ADAM23: variants seen among roughly 807,000 people sequenced by gnomAD.
ADAM23 encodes ADAM metallopeptidase domain 23, also known as disintegrin and metalloproteinase domain-containing protein 23.
A neutral mutation model predicts 120.1 loss-of-function variants in ADAM23; 33 were observed. The observed-to-expected ratio is 0.27, with a 90% CI of 0.21 to 0.37. The LOEUF (loss-of-function observed/expected upper bound fraction) is 0.37, where lower values mean the gene tolerates loss of function less well. ADAM23 is among the 10% of genes least tolerant of loss of function. The pLI, the probability that ADAM23 is intolerant of heterozygous loss-of-function variation, is 1.00. For missense variants in ADAM23, 862 were observed against 1,058.2 expected, an observed-to-expected ratio of 0.81 and a Z score of 2.57; for synonymous variants, 367 against 375.2, an observed-to-expected ratio of 0.98 and a Z score of 0.25.
intron 2 of ADAM23, among the ~76,000 whole-genome samples, chr2:206,449,817 C>T (rs1253972831): frequency 3.3e-5 from 5 of 152,010 alleles, no homozygotes; most frequent in Non-Finnish European, 7.4e-5. Flanking sequence ...TATCATGCTC[C>T]CTTAGGATTC....
chr2:206,539,386 A>C (rs1697245603), intron 4 of ADAM23, among the ~76,000 whole-genome samples: 1 of 152,190 alleles, frequency 6.6e-6, no homozygotes, highest in Admixed American at 6.5e-5. Context: ...TTGCCACGTC[A>C]CAGGTCTGTG....
rs560488458 is a variant in ADAM23, at chr2:206,567,997, C to G, written c.1494+675C>G. ...ATGAGGACTGTATGGGGAAACCGCC[C>G]CCATGATTCAGTCACCTTCCACCAG... On this transcript the variant is annotated intron_variant, in intron 15 of 25. Coordinates refer to ENST00000264377, the MANE Select transcript of ADAM23 (RefSeq NM_003812.4). 3.9e-5 allele frequency among the ~76,000 whole-genome samples: 6 copies of G among 152,254 alleles called. No homozygotes were observed. In the South Asian group the frequency reaches 1.2e-3, roughly 32 times the overall value.
At chr2:206,488,659 T>G (rs934384034) in intron 3 of ADAM23, among the ~76,000 whole-genome samples, 2 of 152,120 alleles carry the variant, frequency 1.3e-5, no homozygotes, top group African/African-American at 4.8e-5. Flanking sequence ...GCAGTAACAC[T>G]TTACTACCTC....
intron 18 of ADAM23, among the ~76,000 whole-genome samples, chr2:206,575,991 G>A (rs1180028927): frequency 6.6e-6 from 1 of 152,048 alleles, no homozygotes; most frequent in Non-Finnish European, 1.5e-5. Flanking sequence ...TAAAGGTGTT[G>A]ATATATATTA....
At chr2:206,458,799 G>A (rs1023293382) in intron 2 of ADAM23, among the ~76,000 whole-genome samples, 2 of 152,074 alleles carry the variant, frequency 1.3e-5, no homozygotes, top group Admixed American at 6.5e-5. Context: ...CTCACCAAAC[G>A]AAACCAAACC....
chr2:206,543,411 C>T (rs1697332770), intron 6 of ADAM23, 95 bp downstream of exon 6: 2 of 1,058,142 alleles, frequency 1.9e-6, no homozygotes, highest in Non-Finnish European at 2.8e-6. Context: ...TTTCAAAGTG[C>T]CTTTGTACAT....
Position 206,557,509 on chromosome 2 carries a change from T to G in ADAM23, c.1005+11T>G. The G allele has an allele frequency of 6.2e-7, 1 of 1,601,630 alleles. No homozygotes were observed. The highest frequency in any genetic ancestry group is 8.6e-7 in the Non-Finnish European group (1 of 1,168,580). Reference sequence around the variant, plus strand: ...AACCTTGTGGATTCTGTAAGTATCCTGGTTTTCTTGAATTTGTGTGCCAAG... The same window carrying G: ...AACCTTGTGGATTCTGTAAGTATCCGGGTTTTCTTGAATTTGTGTGCCAAG... On this transcript the variant is annotated intron_variant, in intron 10 of 25. Transcript: ENST00000264377.
intron 11 of ADAM23, among the ~76,000 whole-genome samples, 169 bp downstream of exon 11, chr2:206,560,287 A>T (rs1697737766): frequency 6.6e-6 from 1 of 151,920 alleles, no homozygotes. Context: ...CCATGCTGGG[A>T]TGCTGATGGT....
chr2:206,548,194 G>A, intron 7 of ADAM23, 87 bp from the exon 8 acceptor site: 2 of 1,218,094 alleles, frequency 1.6e-6, no homozygotes, highest in Non-Finnish European at 2.4e-6. Flanking sequence ...TATATTATCA[G>A]TGCCACTGTT....
intron 15 of ADAM23, among the ~76,000 whole-genome samples, chr2:206,568,534 C>T (rs540470908): frequency 9.2e-5 from 14 of 152,306 alleles, no homozygotes; most frequent in African/African-American, 3.4e-4. Flanking sequence ...ATGCATCGTA[C>T]TTCTCTAAAC....
chr2:206,516,694 G>C (rs1696738980), intron 3 of ADAM23, among the ~76,000 whole-genome samples: 1 of 152,066 alleles, frequency 6.6e-6, no homozygotes, highest in African/African-American at 2.4e-5. Context: ...CATCACATTG[G>C]GGGTTAGGGC....
intron 19 of ADAM23, among the ~76,000 whole-genome samples, chr2:206,587,741 A>G (rs1364240875): frequency 1.3e-5 from 2 of 152,132 alleles, no homozygotes; most frequent in Non-Finnish European, 2.9e-5. Flanking sequence ...ACAGGTGAGT[A>G]TCATGATGTC....
intron 9 of ADAM23, among the ~76,000 whole-genome samples, chr2:206,556,050 ATATGCAC>A (rs1697637067): frequency 1.3e-5 from 2 of 152,180 alleles, no homozygotes; most frequent in Non-Finnish European, 2.9e-5. Context: ...TGACCCAGTT[ATATGCAC>A]ACATTACAGT....
chr2:206,610,014 C>A lies in ADAM23; in HGVS notation c.2450+14C>A. On this transcript the variant is annotated intron_variant, in intron 25 of 25. Transcript: ENST00000264377. ...CTGGGGATTTAAGTAAGCAACGCCG[C>A]ATGTCTTCTTCTCAGTGGCTCTGGC... 2 of 1,551,582 alleles carry A rather than the reference C, an allele frequency of 1.3e-6. No homozygotes were observed. Among genetic ancestry groups the A allele is most frequent in the Admixed American group, 2.2e-5 (1 of 44,542 alleles).
At chr2:206,502,852 C>G (rs1004208998) in intron 3 of ADAM23, among the ~76,000 whole-genome samples, 4 of 152,152 alleles carry the variant, frequency 2.6e-5, no homozygotes, top group African/African-American at 9.7e-5. Flanking sequence ...AAAGGTCTGT[C>G]TGTAAACCTG....
At chr2:206,593,485 G>A (rs1268874505) in intron 22 of ADAM23, among the ~76,000 whole-genome samples, 2 of 152,018 alleles carry the variant, frequency 1.3e-5, no homozygotes, top group Non-Finnish European at 2.9e-5. Flanking sequence ...TAAGATTTGG[G>A]ATTATCCAAA....
rs561274861 is a variant in ADAM23, at chr2:206,620,451, T to A, written c.*2824T>A. On this transcript the variant is annotated 3_prime_UTR_variant, in exon 26 of 26. Coordinates refer to ENST00000264377, the MANE Select transcript of ADAM23 (RefSeq NM_003812.4). Reference sequence around the variant, plus strand: ...GGATTATAATTATTTTTGATGGTATTAGGTTATGTAGTTTCAAACTCTTTG... The same window carrying A: ...GGATTATAATTATTTTTGATGGTATAAGGTTATGTAGTTTCAAACTCTTTG... 7 of 152,328 alleles carry A rather than the reference T, an allele frequency of 4.6e-5. No homozygotes were observed. The South Asian group carries it at 8.3e-4, about 18-fold the overall frequency. 9.4% of individuals were successfully genotyped at this position (152,328 alleles called of 1,614,324 possible).
At chr2:206,546,448 A>G (rs939058440) in intron 6 of ADAM23, among the ~76,000 whole-genome samples, 7 of 152,202 alleles carry the variant, frequency 4.6e-5, no homozygotes, top group Admixed American at 1.3e-4. Flanking sequence ...CAAGTAATAA[A>G]TGAATAGCAA....
At chr2:206,606,893 G>A (rs943988928) in intron 24 of ADAM23, among the ~76,000 whole-genome samples, 1 of 152,138 alleles carries the variant, frequency 6.6e-6, no homozygotes, top group Non-Finnish European at 1.5e-5. Context: ...TGAATTACTA[G>A]TATCTTCAGG....
Sources: gnomAD v4.1 joint callset for allele counts (sites outside exome capture counted in the v4.1 genomes callset) on GRCh38, gnomAD v4.1.1 for gene constraint, MANE v1.5 for transcripts, NCBI Gene and HGNC (gene_info 2026-07-23, HGNC 2026-07-21) for gene names.